The following EYS variants were observed in gnomAD, a reference collection of about 807,000 sequenced individuals.
EYS encodes the protein protein eyes shut homolog.
A neutral mutation model predicts 282.1 loss-of-function variants in EYS; 250 were observed. That is an observed-to-expected ratio of 0.89 (90% confidence interval 0.80 to 0.98). EYS has a LOEUF of 0.98. Among genes scored for constraint, EYS ranks in the 50% least tolerant of loss-of-function variants. EYS has a pLI of 0.00. For missense variants in EYS, 4,016 were observed against 3,709.0 expected (o/e 1.08, Z -2.15); for synonymous variants, 1,355 against 1,282.9 (o/e 1.06, Z -1.20).
chr6:64,259,831 C>A (rs973587248), intron 30 of EYS, among the ~76,000 whole-genome samples: 2 of 129,142 alleles, frequency 1.5e-5, no homozygotes, highest in African/African-American at 5.9e-5. Flanking sequence ...ATATTTCTAA[C>A]TTTTATTATT....
chr6:64,552,401 G>T (rs1348746556), intron 26 of EYS, among the ~76,000 whole-genome samples: 3 of 152,130 alleles, frequency 2.0e-5, no homozygotes, highest in Non-Finnish European at 4.4e-5. Context: ...CCCTTTCCAG[G>T]TGTTTTTACT....
intron 1 of EYS, among the ~76,000 whole-genome samples, chr6:65,701,958 C>T (rs1049254734): frequency 1.3e-5 from 2 of 152,122 alleles, no homozygotes; most frequent in African/African-American, 4.8e-5. Context: ...AAGGTAGTAT[C>T]GGACATTTAA....
chr6:65,418,413 CA>C (rs1424132975), intron 5 of EYS, among the ~76,000 whole-genome samples: 2 of 152,144 alleles, frequency 1.3e-5, no homozygotes, highest in East Asian at 1.9e-4. Flanking sequence ...TATAAGGACA[CA>C]TGCACACATA....
intron 2 of EYS, among the ~76,000 whole-genome samples, chr6:65,602,110 T>C (rs1765635236): frequency 6.6e-6 from 1 of 151,910 alleles, no homozygotes; most frequent in Non-Finnish European, 1.5e-5. Context: ...AGGATATAAT[T>C]ACATGTTTCT....
At chr6:64,787,030 C>A (rs1184667778) in intron 22 of EYS, among the ~76,000 whole-genome samples, 1 of 152,184 alleles carries the variant, frequency 6.6e-6, no homozygotes, top group East Asian at 1.9e-4. Flanking sequence ...AGCATGCAAT[C>A]CAATTGCTCT....
intron 12 of EYS, among the ~76,000 whole-genome samples, chr6:65,178,609 G>A (rs907325133): frequency 1.3e-5 from 2 of 151,864 alleles, no homozygotes; most frequent in African/African-American, 4.8e-5. Context: ...CACATTAATA[G>A]TGGGAGACTT....
At chr6:63,842,442 C>A (rs1214026239) in intron 36 of EYS, among the ~76,000 whole-genome samples, 1 of 152,182 alleles carries the variant, frequency 6.6e-6, no homozygotes, top group Non-Finnish European at 1.5e-5. Context: ...CCTTCACCCA[C>A]TTTTTGATGG....
chr6:64,595,272 G>A (rs1766547056), intron 24 of EYS, among the ~76,000 whole-genome samples: 1 of 151,852 alleles, frequency 6.6e-6, no homozygotes, highest in Non-Finnish European at 1.5e-5. Flanking sequence ...AACAAATTTG[G>A]CATTAAAAAA....
intron 40 of EYS, among the ~76,000 whole-genome samples, chr6:63,774,032 G>A (rs1323830615): frequency 6.6e-6 from 1 of 152,082 alleles, no homozygotes; most frequent in African/African-American, 2.4e-5. Flanking sequence ...TTGTAAATAA[G>A]CCTCATTTAT....
chr6:64,485,021 G>A (rs1415277201), intron 26 of EYS, among the ~76,000 whole-genome samples: 1 of 151,578 alleles, frequency 6.6e-6, no homozygotes, highest in African/African-American at 2.4e-5. Flanking sequence ...GTAGATGCTT[G>A]TGTCAGACTC....
At position 64,766,650 on chromosome 6, in the gene EYS, ATATATATATATAT is replaced by A. The variant is rs1287606079; in HGVS notation, c.3443+46715_3443+46727del. Reference sequence around the variant, plus strand: ...CCGTCTCAAAAAAAAAAAAAAAAAAATATATATATATATATATATATATATATATATATAAAAT... The same window carrying A: ...CCGTCTCAAAAAAAAAAAAAAAAAAAATATATATATATATATATATAAAAT... On this transcript the variant is annotated intron_variant, in intron 22 of 42. Coordinates refer to ENST00000503581, the MANE Select transcript of EYS (RefSeq NM_001142800.2). Among the ~76,000 whole-genome samples the A allele has an allele frequency of 4.4e-3, 121 of 27,646 alleles. 10 individuals carry two copies. In the South Asian group the frequency reaches 0.071, roughly 16 times the overall value. The allele number at this position is 27,646 out of a possible 152,430, so 18.1% of individuals were successfully genotyped here.
At chr6:65,280,393 T>C (rs1259720117) in intron 12 of EYS, among the ~76,000 whole-genome samples, 7 of 152,184 alleles carry the variant, frequency 4.6e-5, no homozygotes, top group Non-Finnish European at 7.3e-5. Flanking sequence ...TTAGTTTTTA[T>C]GTAGTAAGTA....
chr6:64,180,776 G>A (rs1764766648), intron 31 of EYS, among the ~76,000 whole-genome samples: 1 of 152,066 alleles, frequency 6.6e-6, no homozygotes, highest in African/African-American at 2.4e-5. Flanking sequence ...AAAGATCTTT[G>A]TCCTAATGGG....
intron 12 of EYS, among the ~76,000 whole-genome samples, chr6:65,249,912 T>C (rs929859433): frequency 2.0e-5 from 3 of 151,996 alleles, no homozygotes; most frequent in Non-Finnish European, 4.4e-5. Flanking sequence ...TCACTGGCAA[T>C]ACGTGGTTTC....
chr6:63,864,052 T>G (rs1166364873), intron 36 of EYS, 134 bp downstream of exon 36: 1 of 855,728 alleles, frequency 1.2e-6, no homozygotes, highest in East Asian at 3.0e-5. Flanking sequence ...TTGTCTCAAC[T>G]AACTTGAAAA....
intron 30 of EYS, among the ~76,000 whole-genome samples, chr6:64,245,152 A>C (rs1766971622): frequency 6.6e-6 from 1 of 152,140 alleles, no homozygotes; most frequent in South Asian, 2.1e-4. Flanking sequence ...ACTTGGAACC[A>C]ACCCAAATGT....
intron 36 of EYS, among the ~76,000 whole-genome samples, chr6:63,833,241 G>A (rs1771698098): frequency 6.6e-6 from 1 of 152,028 alleles, no homozygotes; most frequent in Non-Finnish European, 1.5e-5. Context: ...AGAAAGAAAT[G>A]AAGTGTATTC....
At chr6:65,222,203 T>C (rs1159889719) in intron 12 of EYS, among the ~76,000 whole-genome samples, 1 of 152,112 alleles carries the variant, frequency 6.6e-6, no homozygotes, top group Non-Finnish European at 1.5e-5. Context: ...GAAACTTGAG[T>C]GCATGAGATT....
chr6:65,626,020 G>C (rs969239049), intron 2 of EYS, among the ~76,000 whole-genome samples: 2 of 152,050 alleles, frequency 1.3e-5, no homozygotes, highest in African/African-American at 4.8e-5. Flanking sequence ...TTCAAATGTA[G>C]CTTCCAGATA....
Sources: allele counts gnomAD v4.1 joint callset (sites outside exome capture counted in the v4.1 genomes callset), GRCh38; gene constraint gnomAD v4.1.1; transcripts MANE v1.5; gene names NCBI Gene and HGNC (gene_info 2026-07-23, HGNC 2026-07-21).